The following DUXA variants were observed in gnomAD, a reference collection of about 807,000 sequenced individuals.
DUXA encodes the protein double homeobox A, also known as double homeobox protein A.
DUXA carries 25 observed loss-of-function variants against 27.5 expected under a neutral mutation model. The ratio of observed to expected loss-of-function variants is 0.91; its 90% CI spans 0.66 to 1.27. The LOEUF (loss-of-function observed/expected upper bound fraction) is 1.27, where lower values mean the gene tolerates loss of function less well. Ranked by LOEUF, DUXA falls within the 50% of genes most tolerant of loss-of-function variation. The probability of loss-of-function intolerance (pLI) is 0.00; values close to 1 mark genes in which losing one functional copy is unlikely to be tolerated. For missense variants in DUXA, 247 were observed against 242.9 expected (o/e 1.02, Z -0.11); for synonymous variants, 90 against 80.5 (o/e 1.12, Z -0.63).
In DUXA at chr19:57,161,483, C is replaced by T. The variant is rs529358924; in HGVS notation, c.26-686G>A. Among the ~76,000 whole-genome samples the T allele has an allele frequency of 7.0e-4, 104 of 149,524 alleles. 3 individuals carry two copies. Among genetic ancestry groups the T allele is most frequent in the African/African-American group, 2.4e-3 (94 of 39,628 alleles). On this transcript the variant is annotated intron_variant, in intron 1 of 5. Coordinates refer to ENST00000554048, the MANE Select transcript of DUXA (RefSeq NM_001012729.2). Reference sequence around the variant, plus strand: ...CTAAAAATACAAAAAATTAGCCGGGCGCAGTGGCGGGCACCTGTAGTCCCA... The same window carrying T: ...CTAAAAATACAAAAAATTAGCCGGGTGCAGTGGCGGGCACCTGTAGTCCCA...
intron 2 of DUXA, among the ~76,000 whole-genome samples, chr19:57,160,167 G>A (rs1465616636): frequency 6.6e-6 from 1 of 152,160 alleles, no homozygotes; most frequent in Non-Finnish European, 1.5e-5. Context: ...GGGAAGCTGA[G>A]GGAGGGTTGC....
Position 57,154,225 on chromosome 19 carries a change from C to G in DUXA, c.*187G>C, listed in dbSNP as rs935896691. On this transcript the variant is annotated 3_prime_UTR_variant, in exon 6 of 6. Coordinates refer to ENST00000554048, the MANE Select transcript of DUXA (RefSeq NM_001012729.2). The stretch of plus-strand genomic sequence containing the variant: ...CTGGTTTCAAACTCCTGAGCTCAAG[C>G]AATCTTCCTGCCTTGGCCTCCCAAA... The G allele has an allele frequency of 3.5e-5, 19 of 535,542 alleles. No homozygotes were observed. The highest frequency in any genetic ancestry group is 3.3e-4 in the African/African-American group (17 of 51,758). The allele number at this position is 535,542 out of a possible 1,614,324, so 33.2% of individuals were successfully genotyped here.
chr19:57,154,295 T>C lies in DUXA; in HGVS notation c.*117A>G, dbSNP rs963338842. 4.0e-5 allele frequency: 39 copies of C among 965,136 alleles called. No individual in the cohort carries two copies. The African/African-American group carries it at 4.8e-4, about 12-fold the overall frequency. The allele number at this position is 965,136 out of a possible 1,614,324, so 59.8% of individuals were successfully genotyped here. The stretch of plus-strand genomic sequence containing the variant: ...GACCCACCACATCTGGCCAAGTCCT[T>C]TACCATCTTCAGAAGGCTTAGCTTG... On this transcript the variant is annotated 3_prime_UTR_variant, in exon 6 of 6. Transcript: ENST00000554048.
At chr19:57,159,138 TGGG>T (rs1290733517) in intron 3 of DUXA, 26 bp downstream of exon 3, 6 of 1,587,538 alleles carry the variant, frequency 3.8e-6, no homozygotes, top group Non-Finnish European at 5.1e-6. Context: ...GAAGCTCTGC[TGGG>T]GAACAGAACT....
intron 1 of DUXA, among the ~76,000 whole-genome samples, chr19:57,164,970 T>C (rs1484599120): frequency 6.6e-6 from 1 of 152,184 alleles, no homozygotes; most frequent in Non-Finnish European, 1.5e-5. Flanking sequence ...TGATGTCCTC[T>C]GAGGTACCAG....
intron 3 of DUXA, 78 bp from the exon 4 acceptor site, chr19:57,158,551 C>G (rs1010155710): frequency 1.0e-5 from 16 of 1,535,562 alleles, no homozygotes; most frequent in Admixed American, 1.8e-5. Context: ...AAACACAGAA[C>G]CCAAACTTGT....
At chr19:57,164,919 G>A (rs1346976030) in intron 1 of DUXA, among the ~76,000 whole-genome samples, 3 of 152,116 alleles carry the variant, frequency 2.0e-5, no homozygotes, top group African/African-American at 7.2e-5. Context: ...AAGTATGAGG[G>A]TAACCACAGT....
At chr19:57,160,098 C>T (rs533091923) in intron 2 of DUXA, among the ~76,000 whole-genome samples, 1 of 152,014 alleles carries the variant, frequency 6.6e-6, no homozygotes, top group African/African-American at 2.4e-5. Context: ...CAGCGAGACT[C>T]TGTCTCAAAA....
In DUXA at chr19:57,160,750, C is replaced by T; in HGVS notation, c.73G>A (p.Glu25Lys). The T allele has an allele frequency of 6.2e-7, 1 of 1,613,946 alleles. No individual in the cohort carries two copies. Among genetic ancestry groups the T allele is most frequent in the Non-Finnish European group, 8.5e-7 (1 of 1,179,846 alleles). Residue 25 changes from glutamate to lysine, a missense_variant, in exon 2 of 6, where the codon GAA (glutamate) becomes AAA (lysine). Physicochemically the swap from Glu to Lys is moderately conservative, Grantham distance 56. Transcript: ENST00000554048. Reference protein sequence around the residue: ...HRRCRTKFTEEQLKILINTFN... With the variant: ...HRRCRTKFTEKQLKILINTFN... ...GTATTGATGAGGATTTTCAACTGTTCTTCTGTGAATTTTGTGCGACAGCGC... is the reference window on the plus strand; with the variant it reads ...GTATTGATGAGGATTTTCAACTGTTTTTCTGTGAATTTTGTGCGACAGCGC...
At chr19:57,165,083 G>A (rs1231090320) in intron 1 of DUXA, among the ~76,000 whole-genome samples, 1 of 151,840 alleles carries the variant, frequency 6.6e-6, no homozygotes, top group East Asian at 1.9e-4. Context: ...AAAGGGCTCT[G>A]GAGCTCCACA....
chr19:57,156,188 C>G (rs2086992360), intron 4 of DUXA, among the ~76,000 whole-genome samples: 1 of 152,074 alleles, frequency 6.6e-6, no homozygotes, highest in Non-Finnish European at 1.5e-5. Context: ...TTTTCTTCCC[C>G]TCAGAAATGC....
intron 1 of DUXA, among the ~76,000 whole-genome samples, chr19:57,161,960 G>T (rs1018523410): frequency 6.6e-6 from 1 of 152,148 alleles, no homozygotes; most frequent in South Asian, 2.1e-4. Context: ...CGCAATCATG[G>T]CACACTGCAG....
intron 1 of DUXA, among the ~76,000 whole-genome samples, chr19:57,161,577 T>A (rs374399291): frequency 1.4e-5 from 2 of 147,846 alleles, no homozygotes; most frequent in Non-Finnish European, 3.0e-5. Flanking sequence ...GAGCCGAGAT[T>A]GCGCCACTGC....
rs1168966448 is a variant in DUXA, at chr19:57,158,187, A to G, written c.438+141T>C. 8.6e-6 allele frequency: 8 copies of G among 930,172 alleles called. No homozygotes were observed. The East Asian group carries it at 1.9e-4, about 23-fold the overall frequency. The allele number at this position is 930,172 out of a possible 1,614,324, so 57.6% of individuals were successfully genotyped here. On this transcript the variant is annotated intron_variant, in intron 4 of 5. Coordinates refer to ENST00000554048, the MANE Select transcript of DUXA (RefSeq NM_001012729.2). ...TTGAGTCCTGTGGGCACCTGGGGGT[A>G]GAAGCCAGCAGACAGGGAACAGCTG...
chr19:57,163,896 G>C (rs2087037505), intron 1 of DUXA, among the ~76,000 whole-genome samples: 1 of 151,780 alleles, frequency 6.6e-6, no homozygotes, highest in South Asian at 2.1e-4. Flanking sequence ...CGATGATTTT[G>C]TAGCCTCTTG....
intron 4 of DUXA, among the ~76,000 whole-genome samples, chr19:57,157,272 T>C (rs534803948): frequency 2.0e-5 from 3 of 152,326 alleles, no homozygotes; most frequent in East Asian, 1.9e-4. Flanking sequence ...GTGTCAGGAA[T>C]GAATCCTCGG....
intron 1 of DUXA, among the ~76,000 whole-genome samples, chr19:57,164,136 T>G (rs1285899182): frequency 1.3e-5 from 2 of 152,194 alleles, no homozygotes; most frequent in Non-Finnish European, 2.9e-5. Context: ...TAATGAACAC[T>G]GATGCAAAAA....
At chr19:57,161,435 A>C (rs1053872277) in intron 1 of DUXA, among the ~76,000 whole-genome samples, 2 of 150,028 alleles carry the variant, frequency 1.3e-5, no homozygotes, top group African/African-American at 2.5e-5. Context: ...CATCCTGGCT[A>C]ACATGATGAA....
intron 2 of DUXA, 99 bp from the exon 3 acceptor site, chr19:57,159,377 C>CAAT: frequency 9.4e-7 from 1 of 1,063,868 alleles, no homozygotes; most frequent in Non-Finnish European, 1.4e-6. Flanking sequence ...GGGCCTAGGC[C>CAAT]CAGGATTATT....
Sources: gnomAD v4.1 joint callset for allele counts (sites outside exome capture counted in the v4.1 genomes callset) on GRCh38, gnomAD v4.1.1 for gene constraint, MANE v1.5 for transcripts, NCBI Gene and HGNC (gene_info 2026-07-23, HGNC 2026-07-21) for gene names.